The following NSUN7 variants were observed in gnomAD, a reference collection of about 807,000 sequenced individuals.
NSUN7 encodes the protein NOP2/Sun RNA methyltransferase family member 7, also known as protein NSUN7.
A neutral mutation model predicts 58.5 loss-of-function variants in NSUN7; 39 were observed. The ratio of observed to expected loss-of-function variants is 0.67; its 90% CI spans 0.52 to 0.87. NSUN7 has a LOEUF of 0.87. Among genes scored for constraint, NSUN7 ranks in the 40% least tolerant of loss-of-function variants. The pLI is 0.00. For synonymous variants in NSUN7, 278 were observed against 303.7 expected, an observed-to-expected ratio of 0.92 and a Z score of 0.88; for missense variants, 765 against 844.1, an observed-to-expected ratio of 0.91 and a Z score of 1.16.
At chr4:40,778,505 A>G (rs957420500) in intron 7 of NSUN7, among the ~76,000 whole-genome samples, 8 of 152,146 alleles carry the variant, frequency 5.3e-5, no homozygotes, top group African/African-American at 1.7e-4. Context: ...TACGAAGGGG[A>G]CCCCAGGGAC....
chr4:40,790,801 T>A, intron 8 of NSUN7, 56 bp downstream of exon 8: 1 of 1,297,312 alleles, frequency 7.7e-7, no homozygotes, highest in Non-Finnish European at 1.1e-6. Flanking sequence ...AAATATAAAA[T>A]TATTTAAAAT....
At chr4:40,790,569 T>G in intron 7 of NSUN7, 33 bp from the exon 8 acceptor site, 1 of 1,355,284 alleles carries the variant, frequency 7.4e-7, no homozygotes, top group Non-Finnish European at 1.0e-6. Context: ...TTCATTAATA[T>G]TTTACATTAA....
At chr4:40,786,368 G>T in intron 7 of NSUN7, 1 of 1,612,054 alleles carries the variant, frequency 6.2e-7, no homozygotes, top group Non-Finnish European at 8.5e-7. Context: ...AGGCCACTGT[G>T]GAAGTCATAT....
intron 8 of NSUN7, among the ~76,000 whole-genome samples, chr4:40,794,058 G>A (rs1198885152): frequency 6.6e-6 from 1 of 151,960 alleles, no homozygotes; most frequent in Admixed American, 6.6e-5. Flanking sequence ...TATTAGTCTC[G>A]AGACTGACGG....
chr4:40,790,549 A>C (rs1052912961), intron 7 of NSUN7, 53 bp from the exon 8 acceptor site: 1 of 1,174,556 alleles, frequency 8.5e-7, no homozygotes, highest in Admixed American at 2.3e-5. Context: ...CACATACTAC[A>C]TTAAGATTTT....
rs560788359 is a variant in NSUN7, at chr4:40,792,870, C to T, written c.1181-1505C>T. Among the ~76,000 whole-genome samples, 43 of 152,128 alleles carry T rather than the reference C, an allele frequency of 2.8e-4. 1 individual carries two copies. The highest frequency in any genetic ancestry group is 9.6e-4 in the African/African-American group (40 of 41,488). On this transcript the variant is annotated intron_variant, in intron 8 of 11. Coordinates refer to ENST00000381782, the MANE Select transcript of NSUN7 (RefSeq NM_024677.6). The stretch of plus-strand genomic sequence containing the variant: ...GCCGACCTAGTGACTCTGGTGGGAA[C>T]GTGGAACGTTAGCCAGAAACTTAGT...
chr4:40,798,847 C>G lies in NSUN7; in HGVS notation c.1343C>G (p.Ala448Gly). The G allele has an allele frequency of 6.2e-7, 1 of 1,612,416 alleles. No individual in the cohort carries two copies. Among genetic ancestry groups the G allele is most frequent in the Non-Finnish European group, 8.5e-7 (1 of 1,179,118 alleles). ...TCAGTTTTTCCAGAAGAAAATGAAG[C>G]TGTTGTTAAGAAAGCACTGGAATTT... ...TCSVFPEENE[A>G]VVKKALEFQD... The change falls in exon 10 of 12, where the codon GCT (alanine) becomes GGT (glycine). Residue 448 changes from alanine to glycine, a missense_variant. Coordinates refer to ENST00000381782, the MANE Select transcript of NSUN7 (RefSeq NM_024677.6).
chr4:40,788,252 T>C (rs1208012834), intron 7 of NSUN7, among the ~76,000 whole-genome samples: 2 of 152,238 alleles, frequency 1.3e-5, no homozygotes, highest in Non-Finnish European at 2.9e-5. Flanking sequence ...GGTACACTCT[T>C]TTGGAGTTCA....
In NSUN7 at chr4:40,760,455, T is replaced by C. The variant is rs551882766; in HGVS notation, c.320T>C (p.Ile107Thr). The change falls in exon 3 of 12, where the codon ATA becomes ACA. Residue 107 changes from isoleucine (I) to threonine (T), a missense_variant. Physicochemically the swap from Ile to Thr is moderately conservative, Grantham distance 89 (BLOSUM62 -1). Transcript: ENST00000381782. ...ALKYQDILET[I>T]LIDSCIFPST... ...GCAGATCAAGATATTTTGGAAACTA[T>C]ATTGATAGACAGCTGTATCTTCCCA... 1 of 1,610,632 alleles carries C rather than the reference T, an allele frequency of 6.2e-7. No individual in the cohort carries two copies. Among genetic ancestry groups the C allele is most frequent in the African/African-American group, 1.3e-5 (1 of 74,892 alleles).
At chr4:40,772,213 C>T (rs180833853) in intron 4 of NSUN7, among the ~76,000 whole-genome samples, 216 of 152,240 alleles carry the variant, frequency 1.4e-3, no homozygotes, top group Non-Finnish European at 2.5e-3. Flanking sequence ...GTATATTTCT[C>T]AGCTTCATAT....
At chr4:40,798,682 CA>C (rs1743423500) in intron 9 of NSUN7, 104 bp from the exon 10 acceptor site, 1 of 568,750 alleles carries the variant, frequency 1.8e-6, no homozygotes, top group Non-Finnish European at 3.0e-6. Context: ...TTATTCTCAT[CA>C]AAACCATGTG....
chr4:40,768,653 T>C (rs536479999), intron 4 of NSUN7, among the ~76,000 whole-genome samples: 1 of 152,318 alleles, frequency 6.6e-6, no homozygotes, highest in South Asian at 2.1e-4. Flanking sequence ...ACATGTATCT[T>C]TTTCTTCACT....
At chr4:40,768,969 A>G (rs1716250212) in intron 4 of NSUN7, among the ~76,000 whole-genome samples, 1 of 152,006 alleles carries the variant, frequency 6.6e-6, no homozygotes, top group South Asian at 2.1e-4. Flanking sequence ...AAACCACCCC[A>G]AAACCATTTA....
In NSUN7 at chr4:40,809,259, G is replaced by A. The variant is rs56206665; in HGVS notation, c.*320G>A. 2,633 of 221,346 alleles carry A rather than the reference G, an allele frequency of 0.012. 78 individuals are homozygous for A. The highest frequency in any genetic ancestry group is 0.057 in the African/African-American group (2,501 of 44,044). 13.7% of individuals were successfully genotyped at this position (221,346 alleles called of 1,614,324 possible). A position where few individuals can be genotyped will look rare whatever the true frequency, so the allele number is the denominator to read the frequency against. ...TTAAAGCTGCCAAGTTTCCCCTGCA[G>A]GGAAGGAAACACTGCCTCCCTTCAG... On this transcript the variant is annotated 3_prime_UTR_variant, in exon 12 of 12. Coordinates refer to ENST00000381782, the MANE Select transcript of NSUN7 (RefSeq NM_024677.6).
chr4:40,769,237 C>T (rs531853678), intron 4 of NSUN7, among the ~76,000 whole-genome samples: 2 of 152,358 alleles, frequency 1.3e-5, no homozygotes, highest in East Asian at 3.9e-4. Flanking sequence ...ATAACTCTCA[C>T]TTTCCTGCAA....
intron 2 of NSUN7, among the ~76,000 whole-genome samples, chr4:40,759,387 C>T (rs1741329744): frequency 6.6e-6 from 1 of 152,156 alleles, no homozygotes; most frequent in Admixed American, 6.6e-5. Context: ...CCAAAAAGAA[C>T]ACTCGTGTTC....
At chr4:40,753,790 C>T (rs1227708656) in intron 2 of NSUN7, among the ~76,000 whole-genome samples, 2 of 152,070 alleles carry the variant, frequency 1.3e-5, no homozygotes, top group Non-Finnish European at 2.9e-5. Context: ...ATCATGGGGA[C>T]AGGTCTTTCT....
chr4:40,791,003 T>C (rs1050782727), intron 8 of NSUN7, among the ~76,000 whole-genome samples: 1 of 152,178 alleles, frequency 6.6e-6, no homozygotes, highest in African/African-American at 2.4e-5. Context: ...CTGGCCAGTA[T>C]GCTATTCTGA....
chr4:40,766,752 G>A (rs201185034), intron 4 of NSUN7, among the ~76,000 whole-genome samples: 117,510 of 151,032 alleles, frequency 0.78, 45,975 homozygotes, highest in Admixed American at 0.83. Context: ...TATTGCCACA[G>A]TTTCAGAGCC....
Sources: gnomAD v4.1 joint callset for allele counts (sites outside exome capture counted in the v4.1 genomes callset) on GRCh38, gnomAD v4.1.1 for gene constraint, MANE v1.5 for transcripts, NCBI Gene and HGNC (gene_info 2026-07-23, HGNC 2026-07-21) for gene names.